The following UBE2D2 variants were observed in gnomAD, a reference collection of about 807,000 sequenced individuals.
The protein encoded by UBE2D2 is ubiquitin conjugating enzyme E2 D2, also known as ubiquitin-conjugating enzyme E2 D2.
Under a neutral mutation model 24.2 loss-of-function variants are expected in UBE2D2, and 2 were observed. The observed-to-expected ratio is 0.08, with a 90% CI of 0.03 to 0.26. The LOEUF (loss-of-function observed/expected upper bound fraction) is 0.26. Ranked by LOEUF, UBE2D2 falls within the 10% of genes least tolerant of loss-of-function variation. UBE2D2 has a pLI of 1.00. For missense variants in UBE2D2, 44 were observed against 177.6 expected, an observed-to-expected ratio of 0.25 and a Z score of 4.28; for synonymous variants, 58 against 56.5, an observed-to-expected ratio of 1.03 and a Z score of -0.12.
intron 1 of UBE2D2, among the ~76,000 whole-genome samples, chr5:139,572,702 A>G (rs1004818263): frequency 1.3e-5 from 2 of 150,426 alleles, no homozygotes; most frequent in African/African-American, 2.5e-5. Flanking sequence ...CTGTAGTGCA[A>G]TGGCGTGATC....
intron 1 of UBE2D2, among the ~76,000 whole-genome samples, chr5:139,528,046 G>A (rs1486266063): frequency 6.6e-6 from 1 of 152,232 alleles, no homozygotes; most frequent in Non-Finnish European, 1.5e-5. Flanking sequence ...ATATCCCAAA[G>A]TCTCTGCGGG....
chr5:139,614,515 T>G, intron 2 of UBE2D2, 71 bp from the exon 3 acceptor site: 2 of 1,538,596 alleles, frequency 1.3e-6, no homozygotes, highest in Non-Finnish European at 1.8e-6. Flanking sequence ...AGAAGGGGAA[T>G]GATATGTTAC....
chr5:139,557,232 C>G (rs1752991958), upstream of UBE2D2, among the ~76,000 whole-genome samples: 1 of 151,852 alleles, frequency 6.6e-6, no homozygotes, highest in South Asian at 2.1e-4. Context: ...CTCCCGGGTT[C>G]AAGTGATTCT....
chr5:139,607,281 CAATT>C (rs1561518369), intron 2 of UBE2D2, among the ~76,000 whole-genome samples: 1 of 152,300 alleles, frequency 6.6e-6, no homozygotes, highest in South Asian at 2.1e-4. Context: ...ACAAAATTCT[CAATT>C]AAGATTTAAA....
At chr5:139,591,513 A>G (rs1253513838) in intron 1 of UBE2D2, among the ~76,000 whole-genome samples, 1 of 152,170 alleles carries the variant, frequency 6.6e-6, no homozygotes, top group African/African-American at 2.4e-5. Flanking sequence ...GTCTGCTTAT[A>G]GTTAGTTCAG....
At chr5:139,543,448 A>C (rs1397626494) in intron 1 of UBE2D2, among the ~76,000 whole-genome samples, 1 of 151,964 alleles carries the variant, frequency 6.6e-6, no homozygotes, top group Admixed American at 6.6e-5. Flanking sequence ...TTCCCTCTAT[A>C]CCCACGTAGA....
At chr5:139,585,935 CAAAAAA>C (rs60277561) in intron 1 of UBE2D2, among the ~76,000 whole-genome samples, 26 of 25,562 alleles carry the variant, frequency 1.0e-3, no homozygotes, top group South Asian at 1.8e-3. Context: ...GACTCTGTCT[CAAAAAA>C]AAAAAAAAAA....
chr5:139,580,218 C>T (rs1249088583), intron 1 of UBE2D2, among the ~76,000 whole-genome samples: 2 of 152,068 alleles, frequency 1.3e-5, no homozygotes, highest in African/African-American at 4.8e-5. Flanking sequence ...CATGTACCAT[C>T]ATGCCCAGCT....
At chr5:139,546,140 T>C (rs551127032) in intron 1 of UBE2D2, among the ~76,000 whole-genome samples, 1 of 152,186 alleles carries the variant, frequency 6.6e-6, no homozygotes, top group Non-Finnish European at 1.5e-5. Flanking sequence ...TTTTCCTGGC[T>C]TCAAGCGATT....
At chr5:139,576,781 A>G (rs1297660166) in intron 1 of UBE2D2, among the ~76,000 whole-genome samples, 1 of 152,148 alleles carries the variant, frequency 6.6e-6, no homozygotes, top group Non-Finnish European at 1.5e-5. Flanking sequence ...GTAATTTTAA[A>G]AAGACATTTC....
intron 2 of UBE2D2, among the ~76,000 whole-genome samples, chr5:139,602,628 AG>A (rs1389233217): frequency 6.6e-6 from 1 of 152,008 alleles, no homozygotes; most frequent in African/African-American, 2.4e-5. Context: ...TAGTGAGCCA[AG>A]GTTGCACAAC....
chr5:139,608,169 C>T (rs898556228), intron 2 of UBE2D2, among the ~76,000 whole-genome samples: 3 of 152,082 alleles, frequency 2.0e-5, no homozygotes, highest in African/African-American at 4.8e-5. Flanking sequence ...TGGTAGCTCA[C>T]GGCTGTAATC....
At chr5:139,619,825 T>C (rs1397266572) in intron 5 of UBE2D2, among the ~76,000 whole-genome samples, 1 of 151,748 alleles carries the variant, frequency 6.6e-6, no homozygotes, top group East Asian at 1.9e-4. Context: ...ATCGCGCCAT[T>C]GCACTCCAGC....
Position 139,548,193 on chromosome 5 carries a change from A to AAAAAAAAAAAAAAATAAAT in UBE2D2, c.-64+21584_-64+21585insAAAAAAAAAAATAAATAAA. 2.7e-3 allele frequency among the ~76,000 whole-genome samples: 125 copies of AAAAAAAAAAAAAAATAAAT among 47,018 alleles called. 9 individuals are homozygous for AAAAAAAAAAAAAAATAAAT. The highest frequency in any genetic ancestry group is 3.8e-3 in the Non-Finnish European group (101 of 26,292). The allele number at this position is 47,018 out of a possible 152,430, so 30.8% of individuals were successfully genotyped here. On this transcript the variant is annotated intron_variant, in intron 1 of 6. Coordinates refer to the UBE2D2 transcript ENST00000511725. ...AAAAAAAAAAAAAAAATAAAAAAAAAAAATAAATAAATAAATAAATAAACG... is the reference window on the plus strand; with the variant it reads ...AAAAAAAAAAAAAAAATAAAAAAAAAAAAAAAAAAAAAAATAAATAAATAAATAAATAAATAAATAAACG...
chr5:139,587,406 C>T (rs540525971), intron 1 of UBE2D2, among the ~76,000 whole-genome samples: 23 of 152,188 alleles, frequency 1.5e-4, no homozygotes, highest in South Asian at 2.1e-4. Flanking sequence ...TGGATGAGGC[C>T]GTGGTGGCTC....
chr5:139,615,280 C>T (rs545859659), intron 5 of UBE2D2, among the ~76,000 whole-genome samples: 5 of 152,194 alleles, frequency 3.3e-5, no homozygotes, highest in African/African-American at 9.6e-5. Context: ...GTCAGCAGAT[C>T]GAGACCATCC....
chr5:139,617,981 G>T (rs1754449582), intron 5 of UBE2D2, among the ~76,000 whole-genome samples: 2 of 149,560 alleles, frequency 1.3e-5, no homozygotes, highest in East Asian at 2.0e-4. Flanking sequence ...ATTATTATTT[G>T]TTTTTTTTTG....
upstream of UBE2D2, among the ~76,000 whole-genome samples, chr5:139,558,577 C>G (rs988277203): frequency 6.6e-6 from 1 of 152,182 alleles, no homozygotes; most frequent in South Asian, 2.1e-4. Flanking sequence ...CGTGAGCCAC[C>G]GCGCCCAGCC....
At chr5:139,569,456 TC>T (rs770524077) in intron 1 of UBE2D2, among the ~76,000 whole-genome samples, 55 of 152,126 alleles carry the variant, frequency 3.6e-4, no homozygotes, top group Non-Finnish European at 6.6e-4. Context: ...CCTAGGCAGT[TC>T]CCAGGATAGG....
Sources: gnomAD v4.1 joint callset for allele counts (sites outside exome capture counted in the v4.1 genomes callset) on GRCh38, gnomAD v4.1.1 for gene constraint, MANE v1.5 for transcripts, NCBI Gene and HGNC (gene_info 2026-07-23, HGNC 2026-07-21) for gene names.